MICU3: variants seen among roughly 807,000 people sequenced by gnomAD.
MICU3 encodes calcium uptake protein 3, mitochondrial.
Under a neutral mutation model 66.5 loss-of-function variants are expected in MICU3, and 62 were observed. The observed-to-expected ratio is 0.93, with a 90% CI of 0.76 to 1.15. The LOEUF is 1.15. Ranked by LOEUF, MICU3 falls within the 50% of genes most tolerant of loss-of-function variation. The pLI is 0.00. For missense variants in MICU3, 779 were observed against 664.4 expected (o/e 1.17, Z -1.90); for synonymous variants, 308 against 240.7 (o/e 1.28, Z -2.59).
the MICU3 span, among the ~76,000 whole-genome samples, chr8:17,136,940 T>G: frequency 6.6e-6 from 1 of 151,848 alleles, no homozygotes; most frequent in African/African-American, 2.4e-5. Context: ...GTTCAAGTGA[T>G]TCTCCTGCCT....
At chr8:17,038,708 C>G (rs1813489734) in intron 1 of MICU3, among the ~76,000 whole-genome samples, 1 of 152,078 alleles carries the variant, frequency 6.6e-6, no homozygotes, top group Non-Finnish European at 1.5e-5. Flanking sequence ...AATCCCAGTA[C>G]TTTGGGAGGC....
At chr8:17,103,565 T>C (rs553256464) in intron 9 of MICU3, among the ~76,000 whole-genome samples, 5 of 150,502 alleles carry the variant, frequency 3.3e-5, no homozygotes, top group African/African-American at 1.2e-4. Flanking sequence ...AATGAGTTAA[T>C]GGCCAACTGG....
In MICU3 at chr8:17,120,849, T is replaced by C. The variant is rs529273045; in HGVS notation, c.*562T>C. The C allele has an allele frequency of 6.6e-6, 1 of 152,448 alleles. No homozygotes were observed. The highest frequency in any genetic ancestry group is 6.6e-5 in the Admixed American group (1 of 15,258). The allele number at this position is 152,448 out of a possible 1,614,324, so 9.4% of individuals were successfully genotyped here. On this transcript the variant is annotated 3_prime_UTR_variant, in exon 15 of 15. Transcript: ENST00000318063. ...GAAATTAAGCTACTATATAAAACAATTGTTTACGTGTACTTTTAACTTTTA... is the reference window on the plus strand; with the variant it reads ...GAAATTAAGCTACTATATAAAACAACTGTTTACGTGTACTTTTAACTTTTA...
intron 1 of MICU3, among the ~76,000 whole-genome samples, chr8:17,048,825 C>G (rs912541664): frequency 1.3e-5 from 2 of 152,142 alleles, no homozygotes; most frequent in African/African-American, 2.4e-5. Context: ...CACTGTGTTG[C>G]CCAGGCTGGT....
intron 5 of MICU3, 33 bp downstream of exon 5, chr8:17,081,773 C>T: frequency 1.1e-6 from 1 of 878,050 alleles, no homozygotes; most frequent in Non-Finnish European, 1.8e-6. Flanking sequence ...TTTCTGGATG[C>T]AGCTTTATTT....
At chr8:17,050,980 A>T (rs1815977272) in intron 1 of MICU3, among the ~76,000 whole-genome samples, 1 of 152,134 alleles carries the variant, frequency 6.6e-6, no homozygotes, top group African/African-American at 2.4e-5. Flanking sequence ...GTTTCTTATT[A>T]TTTCTCTCCC....
intron 1 of MICU3, among the ~76,000 whole-genome samples, chr8:17,056,942 G>A (rs1012472868): frequency 3.3e-5 from 5 of 152,202 alleles, no homozygotes; most frequent in African/African-American, 7.2e-5. Context: ...AAATATTCCC[G>A]GAGCTGGCCA....
intron 2 of MICU3, among the ~76,000 whole-genome samples, chr8:17,067,444 T>TC: frequency 6.7e-6 from 1 of 148,614 alleles, no homozygotes; most frequent in East Asian, 2.0e-4. Flanking sequence ...TTTTTTTTTT[T>TC]CCCCAAGAGG....
At chr8:17,083,536 C>A (rs1027540201) in intron 5 of MICU3, among the ~76,000 whole-genome samples, 1 of 152,098 alleles carries the variant, frequency 6.6e-6, no homozygotes, top group South Asian at 2.1e-4. Flanking sequence ...CAAGAAGCAA[C>A]TGAATGAACA....
At chr8:17,126,534 A>G (rs1234025120), downstream of MICU3, among the ~76,000 whole-genome samples, 28 of 152,196 alleles carry the variant, frequency 1.8e-4, no homozygotes, top group Admixed American at 1.8e-3. Context: ...GAACTTAAGG[A>G]TGGTTATCTT....
At chr8:17,063,441 T>TA (rs11362181) in intron 1 of MICU3, among the ~76,000 whole-genome samples, 37 of 151,916 alleles carry the variant, frequency 2.4e-4, no homozygotes, top group African/African-American at 7.2e-4. Context: ...ATCCTTTTAT[T>TA]AAAAAAAATT....
Position 17,027,279 on chromosome 8 carries a change from T to C in MICU3, c.-1T>C. ...CAGCTCTGGTGTGGGCGGCCTCCGC[T>C]ATGGCTGCGCTGCGAAGGCTCTTGT... is the stretch of plus-strand genomic sequence containing the variant. On this transcript the variant is annotated 5_prime_UTR_variant, in exon 1 of 15. Transcript: ENST00000318063. The C allele has an allele frequency of 8.2e-7, 1 of 1,225,674 alleles. No homozygotes were observed. The highest frequency in any genetic ancestry group is 1.0e-6 in the Non-Finnish European group (1 of 970,038). 75.9% of individuals were successfully genotyped at this position (1,225,674 alleles called of 1,614,324 possible). A position where few individuals can be genotyped will look rare whatever the true frequency, so the allele number is the denominator to read the frequency against.
intron 1 of MICU3, among the ~76,000 whole-genome samples, chr8:17,051,207 G>T (rs1475117490): frequency 6.6e-6 from 1 of 151,278 alleles, no homozygotes; most frequent in Non-Finnish European, 1.5e-5. Flanking sequence ...ATAGGTATTG[G>T]TTTTTTAATA....
intron 1 of MICU3, among the ~76,000 whole-genome samples, chr8:17,049,082 C>T (rs570269512): frequency 2.6e-5 from 4 of 152,278 alleles, no homozygotes; most frequent in Admixed American, 2.6e-4. Context: ...TCATAAGTAA[C>T]TGAATATTTC....
In MICU3 at chr8:17,080,426, A is replaced by C. The variant is rs529393869; in HGVS notation, c.647-1267A>C. Among the ~76,000 whole-genome samples the C allele has an allele frequency of 9.2e-4, 140 of 152,228 alleles. 2 individuals are homozygous for C. Among genetic ancestry groups the C allele is most frequent in the African/African-American group, 3.3e-3 (137 of 41,568 alleles). On this transcript the variant is annotated intron_variant, in intron 4 of 14. Coordinates refer to ENST00000318063, the MANE Select transcript of MICU3 (RefSeq NM_181723.3). ...CATAACAGTTATTAAAGTTCTTTAT[A>C]CCAACCAACATCTCTTGTGTATTCT...
At chr8:17,097,124 C>G (rs374896466) in intron 8 of MICU3, among the ~76,000 whole-genome samples, 3 of 151,480 alleles carry the variant, frequency 2.0e-5, no homozygotes, top group African/African-American at 7.3e-5. Context: ...CAATCCCTTT[C>G]TTTATCACAT....
chr8:17,064,107 T>C lies in MICU3; in HGVS notation c.405T>C (p.Ile135=), dbSNP rs1006428661. 6.2e-7 allele frequency: 1 copy of C among 1,611,682 alleles called. No homozygotes were observed. Among genetic ancestry groups the C allele is most frequent in the African/African-American group, 1.3e-5 (1 of 74,880 alleles). The part of the protein sequence containing the change: ...KETVAIGRTD[I]EDLDLYATSR... ...AGGTTGCTATTGGCAGAACAGACAT[T>C]GAAGACTTAGACCTTTATGCCACAT... Residue 135 remains isoleucine (I), a synonymous_variant, in exon 2 of 15, where the codon ATT becomes ATC. Transcript: ENST00000318063.
intron 13 of MICU3, among the ~76,000 whole-genome samples, 185 bp from the exon 14 acceptor site, chr8:17,118,522 T>C (rs1301051522): frequency 6.6e-6 from 1 of 152,212 alleles, no homozygotes; most frequent in African/African-American, 2.4e-5. Flanking sequence ...CCTGTCTAAT[T>C]GGAACTTTGT....
intron 1 of MICU3, among the ~76,000 whole-genome samples, chr8:17,029,706 A>C (rs1037555097): frequency 6.6e-6 from 1 of 152,068 alleles, no homozygotes; most frequent in African/African-American, 2.4e-5. Context: ...TGAAATTTTC[A>C]CAGTAATGAG....
Sources: allele counts gnomAD v4.1 joint callset (sites outside exome capture counted in the v4.1 genomes callset), GRCh38; gene constraint gnomAD v4.1.1; transcripts MANE v1.5; gene names NCBI Gene and HGNC (gene_info 2026-07-23, HGNC 2026-07-21).